Variants in DOK6 observed in about 807,000 individuals in gnomAD.
DOK6 encodes the protein docking protein 6.
DOK6 carries 22 observed loss-of-function variants against 44.0 expected under a neutral mutation model. The ratio of observed to expected loss-of-function variants is 0.50; its 90% CI spans 0.36 to 0.71. The LOEUF is 0.71. Ranked by LOEUF, DOK6 falls within the 30% of genes least tolerant of loss-of-function variation. The pLI is 0.00. For synonymous variants in DOK6, 166 were observed against 145.5 expected (o/e 1.14, Z -1.01); for missense variants, 340 against 416.4 (o/e 0.82, Z 1.60).
chr18:69,534,996 C>T (rs1982082764), intron 1 of DOK6, among the ~76,000 whole-genome samples: 1 of 152,108 alleles, frequency 6.6e-6, no homozygotes, highest in African/African-American at 2.4e-5. Context: ...AAGTTTCCTT[C>T]ATTTAGGCTT....
At chr18:69,809,475 G>T (rs761477369) in intron 7 of DOK6, among the ~76,000 whole-genome samples, 4 of 151,100 alleles carry the variant, frequency 2.6e-5, no homozygotes, top group African/African-American at 9.7e-5. Context: ...GAAATAAAGG[G>T]CATTGAATTG....
intron 2 of DOK6, among the ~76,000 whole-genome samples, 172 bp from the exon 3 acceptor site, chr18:69,599,212 T>C (rs1983815632): frequency 6.6e-6 from 1 of 152,168 alleles, no homozygotes; most frequent in South Asian, 2.1e-4. Context: ...AAGGGCATAA[T>C]AGAAGACATT....
At chr18:69,421,066 A>G (rs67217413) in intron 1 of DOK6, among the ~76,000 whole-genome samples, 13,575 of 152,226 alleles carry the variant, frequency 0.089, 687 homozygotes, top group Non-Finnish European at 0.1. Context: ...AGATGCATGC[A>G]TCACTTTAAA....
intron 5 of DOK6, among the ~76,000 whole-genome samples, chr18:69,734,603 A>G (rs777385173): frequency 6.6e-6 from 1 of 152,024 alleles, no homozygotes; most frequent in Non-Finnish European, 1.5e-5. Context: ...CTCCTACTCT[A>G]CCCCATTACT....
At chr18:69,703,055 A>T (rs1986556516) in intron 5 of DOK6, among the ~76,000 whole-genome samples, 1 of 151,354 alleles carries the variant, frequency 6.6e-6, no homozygotes, top group South Asian at 2.1e-4. Context: ...CGAGGGGGAA[A>T]AAAAAAAAGC....
At chr18:69,521,459 C>A (rs1023484114) in intron 1 of DOK6, among the ~76,000 whole-genome samples, 8 of 124,300 alleles carry the variant, frequency 6.4e-5, no homozygotes, top group African/African-American at 1.1e-4. Context: ...AAAAAAAAAA[C>A]ATGTGAATCA....
Position 69,718,666 on chromosome 18 carries a change from A to G in DOK6, c.599+20073A>G, listed in dbSNP as rs74470865. On this transcript the variant is annotated intron_variant, in intron 5 of 7. Transcript: ENST00000382713. ...TATTATGTTCATAGCTTTACCTCTCATGAATAGAGGACAACTTGCTTCATG... is the reference window on the plus strand; with the variant it reads ...TATTATGTTCATAGCTTTACCTCTCGTGAATAGAGGACAACTTGCTTCATG... Among the ~76,000 whole-genome samples, 445 of 152,328 alleles carry G rather than the reference A, an allele frequency of 2.9e-3. 5 individuals carry two copies. The highest frequency in any genetic ancestry group is 9.9e-3 in the African/African-American group (410 of 41,574).
At chr18:69,426,169 CAT>C (rs1226596256) in intron 1 of DOK6, among the ~76,000 whole-genome samples, 1 of 152,112 alleles carries the variant, frequency 6.6e-6, no homozygotes, top group African/African-American at 2.4e-5. Context: ...CACATTTCTG[CAT>C]ATGTGTAGGT....
intron 7 of DOK6, among the ~76,000 whole-genome samples, chr18:69,758,937 C>T (rs1056877469): frequency 6.6e-6 from 1 of 152,124 alleles, no homozygotes; most frequent in East Asian, 1.9e-4. Flanking sequence ...CCAGGGTTTC[C>T]AAACTAGACT....
intron 3 of DOK6, among the ~76,000 whole-genome samples, chr18:69,656,993 A>G (rs188216442): frequency 4.5e-4 from 68 of 152,346 alleles, no homozygotes; most frequent in African/African-American, 1.6e-3. Flanking sequence ...TAGAGAAGAT[A>G]GGAAAGGAGG....
intron 1 of DOK6, among the ~76,000 whole-genome samples, chr18:69,443,541 G>A (rs1190929283): frequency 6.6e-6 from 1 of 152,150 alleles, no homozygotes; most frequent in Admixed American, 6.6e-5. Flanking sequence ...CTATAAGAGA[G>A]TAGCAAACTG....
intron 3 of DOK6, among the ~76,000 whole-genome samples, chr18:69,623,053 TG>T (rs1323199785): frequency 6.6e-6 from 1 of 152,180 alleles, no homozygotes; most frequent in African/African-American, 2.4e-5. Context: ...GATTGAATTA[TG>T]GGGGGTGGAC....
At chr18:69,726,807 T>G (rs1203118086) in intron 5 of DOK6, among the ~76,000 whole-genome samples, 1 of 150,850 alleles carries the variant, frequency 6.6e-6, no homozygotes, top group Non-Finnish European at 1.5e-5. Flanking sequence ...ACATGGTAGA[T>G]GGGCAAACAA....
chr18:69,543,374 T>A (rs754690311), intron 1 of DOK6, among the ~76,000 whole-genome samples: 1 of 151,562 alleles, frequency 6.6e-6, no homozygotes, highest in Non-Finnish European at 1.5e-5. Context: ...GCGATAAGTA[T>A]GAGGAAAGAT....
chr18:69,566,111 G>GTTTATTTATTTA (rs56218878), intron 2 of DOK6, among the ~76,000 whole-genome samples: 7 of 150,012 alleles, frequency 4.7e-5, no homozygotes, highest in African/African-American at 1.7e-4. Context: ...GTACAGCTCG[G>GTTTATTTATTTA]TTTATTTATT....
At chr18:69,560,400 G>A (rs974991667) in intron 1 of DOK6, among the ~76,000 whole-genome samples, 4 of 144,852 alleles carry the variant, frequency 2.8e-5, no homozygotes, top group South Asian at 2.1e-4. Flanking sequence ...ATTTGATGCC[G>A]ATTTTTTTTC....
chr18:69,747,833 A>G (rs947437669), intron 6 of DOK6, among the ~76,000 whole-genome samples: 1 of 152,210 alleles, frequency 6.6e-6, no homozygotes, highest in African/African-American at 2.4e-5. Context: ...ACTCCGTAGC[A>G]GTCTTACATG....
intron 4 of DOK6, among the ~76,000 whole-genome samples, chr18:69,685,322 A>T (rs1273158271): frequency 6.6e-6 from 1 of 152,170 alleles, no homozygotes; most frequent in Non-Finnish European, 1.5e-5. Context: ...TTAGTATGTC[A>T]TCAAGTTCTA....
chr18:69,793,261 T>C (rs1384520683), intron 7 of DOK6, among the ~76,000 whole-genome samples: 1 of 152,160 alleles, frequency 6.6e-6, no homozygotes. Context: ...AAAACAGACA[T>C]ATCCATTTAA....
Sources: allele counts gnomAD v4.1 joint callset (sites outside exome capture counted in the v4.1 genomes callset), GRCh38; gene constraint gnomAD v4.1.1; transcripts MANE v1.5; gene names NCBI Gene and HGNC (gene_info 2026-07-23, HGNC 2026-07-21).